Variants in WDR27 observed in about 807,000 individuals in gnomAD.
WDR27 encodes the protein WD repeat-containing protein 27.
A neutral mutation model predicts 114.4 loss-of-function variants in WDR27; 100 were observed. That is an observed-to-expected ratio of 0.87 (90% CI 0.74 to 1.03). WDR27 has a LOEUF of 1.03. WDR27 is among the 50% of genes least tolerant of loss of function. The probability of loss-of-function intolerance (pLI) is 0.00; values close to 1 mark genes in which losing one functional copy is unlikely to be tolerated. For missense variants in WDR27, 1,129 were observed against 1,092.9 expected (o/e 1.03, Z -0.47); for synonymous variants, 449 against 423.1 (o/e 1.06, Z -0.75).
chr6:169,570,489 C>T (rs1022919806), intron 25 of WDR27, among the ~76,000 whole-genome samples: 3 of 152,276 alleles, frequency 2.0e-5, no homozygotes, highest in Admixed American at 1.3e-4. Context: ...ATTCTCTTTA[C>T]GGACATAGGT....
chr6:169,429,174 C>T, the WDR27 span, among the ~76,000 whole-genome samples: 2 of 152,180 alleles, frequency 1.3e-5, no homozygotes, highest in Admixed American at 6.5e-5. Context: ...CCGCATCACA[C>T]GGCGCTGGGC....
intron 1 of WDR27, among the ~76,000 whole-genome samples, chr6:169,693,176 G>A (rs1784941297): frequency 6.6e-6 from 1 of 152,054 alleles, no homozygotes; most frequent in African/African-American, 2.4e-5. Flanking sequence ...GTAGGGATTG[G>A]GGTCATATCT....
intron 25 of WDR27, among the ~76,000 whole-genome samples, chr6:169,464,254 G>A (rs1174880384): frequency 6.6e-6 from 1 of 152,176 alleles, no homozygotes; most frequent in Non-Finnish European, 1.5e-5. Flanking sequence ...AATTATTTTT[G>A]AGAAGGGCTC....
intron 25 of WDR27, among the ~76,000 whole-genome samples, chr6:169,567,685 A>G (rs144993841): frequency 9.9e-4 from 150 of 152,224 alleles, no homozygotes; most frequent in Middle Eastern, 3.4e-3. Context: ...TACTGCCGGG[A>G]AGAAATTTTG....
intron 14 of WDR27, 79 bp downstream of exon 14, chr6:169,651,851 G>T: frequency 7.9e-7 from 1 of 1,273,758 alleles, no homozygotes; most frequent in Non-Finnish European, 1.1e-6. Flanking sequence ...GGGGATGTAT[G>T]TGTGTCCCTA....
intron 24 of WDR27, among the ~76,000 whole-genome samples, chr6:169,581,717 A>ATATTCAATAT (rs1419732192): frequency 6.6e-6 from 1 of 152,238 alleles, no homozygotes; most frequent in Non-Finnish European, 1.5e-5. Flanking sequence ...CTCATTTCCA[A>ATATTCAATAT]TATTCAATAT....
intron 25 of WDR27, among the ~76,000 whole-genome samples, chr6:169,467,538 G>T (rs1369603546): frequency 2.0e-5 from 3 of 152,236 alleles, no homozygotes; most frequent in African/African-American, 4.8e-5. Flanking sequence ...AGCTGCCAAG[G>T]CTTGGGGTTT....
intron 25 of WDR27, among the ~76,000 whole-genome samples, chr6:169,564,480 C>T (rs952226759): frequency 2.6e-5 from 4 of 152,202 alleles, no homozygotes; most frequent in Non-Finnish European, 2.9e-5. Flanking sequence ...CACAGGGCAG[C>T]GGCAGGCAAC....
At chr6:169,532,350 G>T (rs946975600) in intron 25 of WDR27, among the ~76,000 whole-genome samples, 1 of 152,038 alleles carries the variant, frequency 6.6e-6, no homozygotes, top group Non-Finnish European at 1.5e-5. Context: ...AATCAAAATA[G>T]AAAATCTTCT....
At chr6:169,566,659 G>A (rs1584263776) in intron 25 of WDR27, among the ~76,000 whole-genome samples, 1 of 135,910 alleles carries the variant, frequency 7.4e-6, no homozygotes, top group African/African-American at 3.0e-5. Flanking sequence ...TGGAGTTGAG[G>A]CAACGTTAGA....
Position 169,660,028 on chromosome 6 carries a change from G to A in WDR27, c.1130-510C>T, listed in dbSNP as rs961036092. 2.6e-5 allele frequency among the ~76,000 whole-genome samples: 4 copies of A among 152,068 alleles called. No individual in the cohort carries two copies. The East Asian group carries it at 7.8e-4, about 30-fold the overall frequency. Reference sequence around the variant, plus strand: ...CGTTCAGGGCTAGAAAGGAGGCACCGAGAGGAGCAGTGCCCGGGAGGCCGC... The same window carrying A: ...CGTTCAGGGCTAGAAAGGAGGCACCAAGAGGAGCAGTGCCCGGGAGGCCGC... On this transcript the variant is annotated intron_variant, in intron 10 of 25. Coordinates refer to ENST00000448612, the MANE Select transcript of WDR27 (RefSeq NM_182552.5).
intron 25 of WDR27, among the ~76,000 whole-genome samples, chr6:169,473,608 G>C (rs1162099649): frequency 2.6e-5 from 4 of 152,098 alleles, no homozygotes; most frequent in Middle Eastern, 6.8e-3. Context: ...ACTTGCACTA[G>C]TTTAGCAGAA....
chr6:169,458,491 T>C (rs140405004), intron 25 of WDR27, among the ~76,000 whole-genome samples: 150 of 152,144 alleles, frequency 9.9e-4, no homozygotes, highest in Middle Eastern at 3.4e-3. Flanking sequence ...GTAAAAAATG[T>C]ATAGGAGCCA....
chr6:169,551,743 AAAAAAAAAAAAAG>A lies in WDR27; in HGVS notation c.2645+20663_2645+20675del, dbSNP rs1175618694. ...TAAGAGCGAGACTCCATCTCAAAAA[AAAAAAAAAAAAAG>A]AAAAAGAAAAGAAAAGAAAAAACGT... On this transcript the variant is annotated intron_variant, in intron 25 of 25. Transcript: ENST00000448612. 8.0e-5 allele frequency among the ~76,000 whole-genome samples: 11 copies of A among 137,228 alleles called. No homozygotes were observed. The East Asian group carries it at 2.0e-3, about 24-fold the overall frequency. 90.0% of individuals were successfully genotyped at this position (137,228 alleles called of 152,430 possible).
At chr6:169,546,251 C>A (rs987233649) in intron 25 of WDR27, among the ~76,000 whole-genome samples, 13 of 152,218 alleles carry the variant, frequency 8.5e-5, no homozygotes, top group Non-Finnish European at 1.8e-4. Flanking sequence ...AACTGCCCAG[C>A]AACCCAGCAA....
At chr6:169,614,700 GAAAAGA>G in intron 21 of WDR27, among the ~76,000 whole-genome samples, 2 of 149,838 alleles carry the variant, frequency 1.3e-5, no homozygotes, top group East Asian at 3.9e-4. Context: ...AAAAAAAAAA[GAAAAGA>G]AAAAGAAAAG....
At chr6:169,694,715 C>T (rs907423946) in intron 1 of WDR27, among the ~76,000 whole-genome samples, 2 of 152,252 alleles carry the variant, frequency 1.3e-5, no homozygotes, top group African/African-American at 2.4e-5. Context: ...ACCGTCAGGA[C>T]GGCCCCCTGG....
intron 25 of WDR27, among the ~76,000 whole-genome samples, chr6:169,473,056 C>G (rs950704528): frequency 6.6e-6 from 1 of 152,170 alleles, no homozygotes; most frequent in Non-Finnish European, 1.5e-5. Flanking sequence ...AAATACTTTT[C>G]AGATAGCTGT....
intron 24 of WDR27, among the ~76,000 whole-genome samples, chr6:169,578,565 G>T (rs1392966269): frequency 6.6e-6 from 1 of 152,202 alleles, no homozygotes; most frequent in Non-Finnish European, 1.5e-5. Context: ...TCCCAGGGGG[G>T]CGAAAGTGCA....
Sources: allele counts gnomAD v4.1 joint callset (sites outside exome capture counted in the v4.1 genomes callset), GRCh38; gene constraint gnomAD v4.1.1; transcripts MANE v1.5; gene names NCBI Gene and HGNC (gene_info 2026-07-23, HGNC 2026-07-21).